Variants in TMEM40 observed in about 807,000 individuals in gnomAD.
TMEM40 encodes the protein transmembrane protein 40.
Under a neutral mutation model 40.8 loss-of-function variants are expected in TMEM40, and 34 were observed. That is an observed-to-expected ratio of 0.83 (90% CI 0.63 to 1.11). The LOEUF (loss-of-function observed/expected upper bound fraction) is 1.11, where lower values mean the gene tolerates loss of function less well. Ranked by LOEUF, TMEM40 falls within the 50% of genes least tolerant of loss-of-function variation. The pLI is 0.00. For synonymous variants in TMEM40, 106 were observed against 107.0 expected, an observed-to-expected ratio of 0.99 and a Z score of 0.06; for missense variants, 296 against 280.2, an observed-to-expected ratio of 1.06 and a Z score of -0.40.
At chr3:12,762,465 T>G (rs13072561), upstream of TMEM40, among the ~76,000 whole-genome samples, 1 of 152,166 alleles carries the variant, frequency 6.6e-6, no homozygotes, top group Non-Finnish European at 1.5e-5. Context: ...TATAAGTCTG[T>G]CTTCTCCAAT....
chr3:12,744,402 G>T (rs892356375), intron 3 of TMEM40, among the ~76,000 whole-genome samples: 1 of 152,092 alleles, frequency 6.6e-6, no homozygotes. Context: ...CTTCCTGTTT[G>T]TCTGTGTTAT....
At chr3:12,756,799 T>TCTC (rs2106621572) in intron 1 of TMEM40, among the ~76,000 whole-genome samples, 1 of 144,068 alleles carries the variant, frequency 6.9e-6, no homozygotes, top group African/African-American at 2.7e-5. Flanking sequence ...CTCTATCTCT[T>TCTC]TCTCTCTCTC....
chr3:12,743,632 C>T (rs1283070752), intron 4 of TMEM40, among the ~76,000 whole-genome samples: 1 of 151,972 alleles, frequency 6.6e-6, no homozygotes, highest in African/African-American at 2.4e-5. Context: ...TGATTATAAC[C>T]ATATATGTCT....
chr3:12,739,750 T>C (rs1487423325), intron 5 of TMEM40, among the ~76,000 whole-genome samples: 1 of 152,082 alleles, frequency 6.6e-6, no homozygotes, highest in Non-Finnish European at 1.5e-5. Context: ...TGCATCCTGA[T>C]TTCAGAAATA....
intron 1 of TMEM40, among the ~76,000 whole-genome samples, chr3:12,754,982 T>G (rs2061507972): frequency 6.6e-6 from 1 of 151,796 alleles, no homozygotes. Flanking sequence ...TTTTCTTTCC[T>G]TTTCTTTTTC....
At chr3:12,760,192 T>C (rs1014189420), upstream of TMEM40, among the ~76,000 whole-genome samples, 2 of 152,162 alleles carry the variant, frequency 1.3e-5, no homozygotes, top group Admixed American at 6.5e-5. Context: ...GTGTCAACAC[T>C]GGGCTCCCTG....
chr3:12,764,990 G>A (rs924743838), intron 1 of TMEM40, among the ~76,000 whole-genome samples: 3 of 151,924 alleles, frequency 2.0e-5, no homozygotes, highest in East Asian at 1.9e-4. Context: ...TCCTGCCTCA[G>A]CCTCCCGAGT....
At position 12,749,791 on chromosome 3, in the gene TMEM40, A is replaced by C. The variant is rs776628023; in HGVS notation, c.42T>G (p.Ser14Arg). ...SASSSQPQDN[S>R]QVHRETEDVD... ...CATCTTCTGTTTCTCTGTGGACTTGACTGTTGTCCTGAGGCTGGGAGGAGG... is the reference window on the plus strand; with the variant it reads ...CATCTTCTGTTTCTCTGTGGACTTGCCTGTTGTCCTGAGGCTGGGAGGAGG... Residue 14 changes from serine (S) to arginine (R), a missense_variant, in exon 2 of 12, where the codon AGT becomes AGG. Transcript: ENST00000314124. 23 of 1,613,894 alleles carry C rather than the reference A, an allele frequency of 1.4e-5. No individual in the cohort carries two copies. The highest frequency in any genetic ancestry group is 1.9e-5 in the Non-Finnish European group (22 of 1,179,970).
At chr3:12,749,673 T>C (rs937915) in intron 2 of TMEM40, 87 bp downstream of exon 2, 626,292 of 1,205,182 alleles carry the variant, frequency 0.52, 171,327 homozygotes, top group African/African-American at 0.87. Flanking sequence ...GCAACGTGAG[T>C]TGAGCAGGGT....
In TMEM40 at chr3:12,739,849, G is replaced by T. The variant is rs376418437; in HGVS notation, c.356-1261C>A. ...TTAAAATTTATTTATTTAGAGACAG[G>T]TTCTCTCTCTGTCATCCAGGTTGCA... On this transcript the variant is annotated intron_variant, in intron 5 of 11. Transcript: ENST00000314124. Among the ~76,000 whole-genome samples, 7 of 151,100 alleles carry T rather than the reference G, an allele frequency of 4.6e-5. No homozygotes were observed. In the East Asian group the frequency reaches 7.8e-4, roughly 17 times the overall value.
intron 1 of TMEM40, among the ~76,000 whole-genome samples, chr3:12,756,793 A>C (rs73812898): frequency 1.7e-4 from 22 of 132,384 alleles, no homozygotes; most frequent in South Asian, 4.9e-4. Flanking sequence ...CTCTCTCTCT[A>C]TCTCTTTCTC....
intron 4 of TMEM40, among the ~76,000 whole-genome samples, chr3:12,743,186 G>T (rs879190647): frequency 6.6e-6 from 1 of 152,038 alleles, no homozygotes; most frequent in Non-Finnish European, 1.5e-5. Flanking sequence ...AAACATGCTC[G>T]GCCAGGCACG....
intron 1 of TMEM40, among the ~76,000 whole-genome samples, chr3:12,758,616 C>G (rs2061547074): frequency 6.6e-6 from 1 of 152,186 alleles, no homozygotes; most frequent in Admixed American, 6.5e-5. Flanking sequence ...CATATCCTCC[C>G]CGGGGGTGCC....
intron 10 of TMEM40, 54 bp from the exon 11 acceptor site, chr3:12,735,671 C>T: frequency 6.6e-7 from 1 of 1,510,708 alleles, no homozygotes; most frequent in Non-Finnish European, 9.1e-7. Flanking sequence ...ACAAGGGACA[C>T]CAGGCCACCA....
chr3:12,735,947 G>A (rs557703432), intron 10 of TMEM40, among the ~76,000 whole-genome samples: 2 of 150,894 alleles, frequency 1.3e-5, no homozygotes, highest in South Asian at 2.1e-4. Flanking sequence ...CAGGCTGAAC[G>A]AATTCCTGGG....
chr3:12,754,322 C>T (rs555140301), intron 1 of TMEM40, among the ~76,000 whole-genome samples: 2 of 152,130 alleles, frequency 1.3e-5, no homozygotes, highest in East Asian at 1.9e-4. Flanking sequence ...AAAACAACAA[C>T]AACAACAACA....
intron 1 of TMEM40, 130 bp downstream of exon 1, chr3:12,759,060 AG>A (rs1559535203): frequency 6.6e-6 from 1 of 152,258 alleles, no homozygotes; most frequent in Admixed American, 6.5e-5. Context: ...AGGAAGATGC[AG>A]AGCTGGGACT....
chr3:12,751,424 G>C (rs190442108), intron 1 of TMEM40, among the ~76,000 whole-genome samples: 91 of 151,654 alleles, frequency 6.0e-4, no homozygotes, highest in African/African-American at 2.0e-3. Flanking sequence ...TGGGATTACA[G>C]GCGCCACACC....
intron 5 of TMEM40, chr3:12,738,821 T>A (rs1295412401): frequency 2.0e-6 from 1 of 497,198 alleles, no homozygotes; most frequent in Non-Finnish European, 3.6e-6. Context: ...TCTGTCAATT[T>A]CCCCAGAGAA....
Sources: allele counts gnomAD v4.1 joint callset (sites outside exome capture counted in the v4.1 genomes callset), GRCh38; gene constraint gnomAD v4.1.1; transcripts MANE v1.5; gene names NCBI Gene and HGNC (gene_info 2026-07-23, HGNC 2026-07-21).